Variants in TMEM132D observed in about 807,000 individuals in gnomAD.
TMEM132D encodes mature OL transmembrane protein.
In TMEM132D, 21 loss-of-function variants were observed where a neutral mutation model predicts 62.3. The observed-to-expected ratio is 0.34, with a 90% confidence interval of 0.24 to 0.49. The LOEUF (loss-of-function observed/expected upper bound fraction) is 0.49, where lower values mean the gene tolerates loss of function less well. TMEM132D is among the 20% of genes least tolerant of loss of function. TMEM132D has a pLI of 0.99. For synonymous variants in TMEM132D, 621 were observed against 575.6 expected (o/e 1.08, Z -1.13); for missense variants, 1,346 against 1,402.8 (o/e 0.96, Z 0.65).
intron 1 of TMEM132D, among the ~76,000 whole-genome samples, chr12:129,726,805 C>A (rs940538619): frequency 6.6e-6 from 1 of 152,114 alleles, no homozygotes; most frequent in East Asian, 1.9e-4. Flanking sequence ...AGAAGCAGGT[C>A]TGAGAAGCTC....
rs138198210 is a variant in TMEM132D at position 129,797,604 on chromosome 12, C to T, written c.80-96906G>A. Reference sequence around the variant, plus strand: ...CCGGCTGTGACTTACATGAGAGACCCTGTGTGTGTCGTTACACATGGTTCT... The same window carrying T: ...CCGGCTGTGACTTACATGAGAGACCTTGTGTGTGTCGTTACACATGGTTCT... On this transcript the variant is annotated intron_variant, in intron 1 of 8. Coordinates refer to ENST00000422113, the MANE Select transcript of TMEM132D (RefSeq NM_133448.3). Among the ~76,000 whole-genome samples the T allele has an allele frequency of 2.1e-4, 32 of 152,262 alleles. No homozygotes were observed. In the East Asian group the frequency reaches 6.2e-3, roughly 29 times the overall value.
chr12:129,434,124 G>A (rs1172725539), intron 3 of TMEM132D, among the ~76,000 whole-genome samples: 1 of 152,164 alleles, frequency 6.6e-6, no homozygotes, highest in Non-Finnish European at 1.5e-5. Flanking sequence ...GTTTATAACA[G>A]AGGTGAGCGA....
At chr12:129,680,800 A>G (rs1051802173) in intron 2 of TMEM132D, among the ~76,000 whole-genome samples, 1 of 152,184 alleles carries the variant, frequency 6.6e-6, no homozygotes, top group African/African-American at 2.4e-5. Context: ...TTAGGGTCAG[A>G]AGGACAAAGC....
At chr12:129,183,677 T>C (rs537550721) in intron 5 of TMEM132D, among the ~76,000 whole-genome samples, 1 of 152,314 alleles carries the variant, frequency 6.6e-6, no homozygotes, top group South Asian at 2.1e-4. Flanking sequence ...TCTTGAAGAG[T>C]CCCTAGGTCT....
chr12:129,839,171 G>A (rs71446282), intron 1 of TMEM132D, among the ~76,000 whole-genome samples: 1,379 of 108,630 alleles, frequency 0.013, 37 homozygotes, highest in African/African-American at 0.045. Flanking sequence ...TCGCACTGTC[G>A]CCTGGGCTAG....
chr12:129,768,091 T>C (rs757952178), intron 1 of TMEM132D, among the ~76,000 whole-genome samples: 4 of 152,180 alleles, frequency 2.6e-5, no homozygotes, highest in Non-Finnish European at 5.9e-5. Flanking sequence ...TCCCATGACA[T>C]GTCAGAATTG....
At chr12:129,231,178 C>A (rs1879629182) in intron 4 of TMEM132D, among the ~76,000 whole-genome samples, 1 of 152,244 alleles carries the variant, frequency 6.6e-6, no homozygotes, top group African/African-American at 2.4e-5. Context: ...TAAGTTCAGG[C>A]AGCCTCATGC....
chr12:129,789,266 C>A (rs975633846), intron 1 of TMEM132D, among the ~76,000 whole-genome samples: 6 of 152,016 alleles, frequency 3.9e-5, no homozygotes, highest in African/African-American at 1.4e-4. Context: ...TTCTTATGCC[C>A]CTTTAAGTCC....
intron 7 of TMEM132D, among the ~76,000 whole-genome samples, chr12:129,078,978 C>G (rs112883264): frequency 5.8e-4 from 89 of 152,316 alleles, no homozygotes; most frequent in African/African-American, 2.0e-3. Flanking sequence ...TCCCCACACC[C>G]CACACATCAG....
chr12:129,769,540 C>T (rs1870664678), intron 1 of TMEM132D, among the ~76,000 whole-genome samples: 1 of 152,164 alleles, frequency 6.6e-6, no homozygotes, highest in Non-Finnish European at 1.5e-5. Flanking sequence ...CCGTATCAGT[C>T]CCTGACATGT....
At chr12:129,377,014 C>A (rs762167264) in intron 3 of TMEM132D, among the ~76,000 whole-genome samples, 1 of 152,196 alleles carries the variant, frequency 6.6e-6, no homozygotes, top group Non-Finnish European at 1.5e-5. Context: ...AATTCCTGAA[C>A]CACTTCTGGT....
chr12:129,795,059 TGAG>T (rs975222086), intron 1 of TMEM132D, among the ~76,000 whole-genome samples: 3 of 152,020 alleles, frequency 2.0e-5, no homozygotes, highest in Non-Finnish European at 4.4e-5. Flanking sequence ...TTTTTAATAT[TGAG>T]GAGGTTGATT....
At chr12:129,600,012 T>C (rs1878444381) in intron 2 of TMEM132D, among the ~76,000 whole-genome samples, 6 of 152,208 alleles carry the variant, frequency 3.9e-5, no homozygotes, top group Admixed American at 3.3e-4. Context: ...GCTGCATCAA[T>C]GGACTCGTCT....
At chr12:129,278,852 AT>A (rs1451943274) in intron 4 of TMEM132D, among the ~76,000 whole-genome samples, 1 of 152,080 alleles carries the variant, frequency 6.6e-6, no homozygotes, top group Non-Finnish European at 1.5e-5. Context: ...TTTAGATATC[AT>A]TTTCTTCCTG....
At chr12:129,806,548 TG>T (rs1480173266) in intron 1 of TMEM132D, among the ~76,000 whole-genome samples, 1 of 76,234 alleles carries the variant, frequency 1.3e-5, no homozygotes, top group African/African-American at 5.4e-5. Context: ...TGTTGTGGGG[TG>T]GGGGGAGGGG....
At chr12:129,518,273 G>C (rs2137078947) in intron 3 of TMEM132D, among the ~76,000 whole-genome samples, 1 of 152,254 alleles carries the variant, frequency 6.6e-6, no homozygotes, top group Middle Eastern at 3.4e-3. Context: ...GCTTATTGCA[G>C]TAGATTTGGC....
chr12:129,786,712 G>A (rs112757684), intron 1 of TMEM132D, among the ~76,000 whole-genome samples: 4 of 152,198 alleles, frequency 2.6e-5, no homozygotes, highest in Non-Finnish European at 2.9e-5. Flanking sequence ...CCAACATGGT[G>A]AAACCCGGTC....
intron 4 of TMEM132D, among the ~76,000 whole-genome samples, chr12:129,282,288 C>G (rs964017939): frequency 2.6e-5 from 4 of 152,138 alleles, no homozygotes; most frequent in African/African-American, 9.7e-5. Context: ...GAGCTTATCC[C>G]TCCCCCTAGT....
At chr12:129,462,114 A>G (rs781537329) in intron 3 of TMEM132D, among the ~76,000 whole-genome samples, 2 of 152,210 alleles carry the variant, frequency 1.3e-5, no homozygotes, top group African/African-American at 4.8e-5. Flanking sequence ...CTACTGTAAG[A>G]AAAGTCCTTA....
Sources: allele counts gnomAD v4.1 joint callset (sites outside exome capture counted in the v4.1 genomes callset), GRCh38; gene constraint gnomAD v4.1.1; transcripts MANE v1.5; gene names NCBI Gene and HGNC (gene_info 2026-07-23, HGNC 2026-07-21).